The following PDHX variants were observed in gnomAD, a reference collection of about 807,000 sequenced individuals.
The protein encoded by PDHX is pyruvate dehydrogenase protein X component, mitochondrial.
Under a neutral mutation model 55.3 loss-of-function variants are expected in PDHX, and 33 were observed. The ratio of observed to expected loss-of-function variants is 0.60; its 90% confidence interval spans 0.45 to 0.80. The LOEUF (loss-of-function observed/expected upper bound fraction) is 0.80. Among genes scored for constraint, PDHX ranks in the 30% least tolerant of loss-of-function variants. The pLI is 0.00. For synonymous variants in PDHX, 226 were observed against 219.4 expected (o/e 1.03, Z -0.27); for missense variants, 622 against 619.9 (o/e 1.00, Z -0.04).
chr11:34,938,485 T>G (rs1399611239), intron 2 of PDHX, among the ~76,000 whole-genome samples: 2 of 152,268 alleles, frequency 1.3e-5, no homozygotes, highest in Non-Finnish European at 2.9e-5. Flanking sequence ...AATAATGTAA[T>G]CAGTTGGAAT....
chr11:34,943,712 C>T (rs1268715038), intron 2 of PDHX, among the ~76,000 whole-genome samples: 1 of 152,188 alleles, frequency 6.6e-6, no homozygotes, highest in Non-Finnish European at 1.5e-5. Flanking sequence ...TTGCCAGTTT[C>T]TCTGAAGTTT....
intron 4 of PDHX, among the ~76,000 whole-genome samples, chr11:34,959,240 A>T (rs1413679233): frequency 1.3e-5 from 2 of 152,104 alleles, no homozygotes; most frequent in Non-Finnish European, 2.9e-5. Context: ...AAACAACCCA[A>T]TTAAAAAACA....
At chr11:34,935,631 T>G (rs909964608) in intron 2 of PDHX, among the ~76,000 whole-genome samples, 2 of 152,198 alleles carry the variant, frequency 1.3e-5, no homozygotes, top group Non-Finnish European at 2.9e-5. Flanking sequence ...GGTTAAACTA[T>G]TGTGGAGGAA....
At chr11:34,962,246 G>A (rs1855034565) in intron 5 of PDHX, among the ~76,000 whole-genome samples, 1 of 152,186 alleles carries the variant, frequency 6.6e-6, no homozygotes, top group African/African-American at 2.4e-5. Context: ...GGCTCCTAAA[G>A]TAATCCATGT....
intron 2 of PDHX, among the ~76,000 whole-genome samples, chr11:34,939,793 C>T (rs943845743): frequency 3.3e-5 from 5 of 151,948 alleles, no homozygotes; most frequent in Non-Finnish European, 5.9e-5. Flanking sequence ...TTTATAATGA[C>T]TATTAGAGTA....
chr11:34,935,969 G>A (rs1854299774), intron 2 of PDHX, among the ~76,000 whole-genome samples: 1 of 152,154 alleles, frequency 6.6e-6, no homozygotes, highest in Non-Finnish European at 1.5e-5. Flanking sequence ...AAGAGTTTAG[G>A]CAGTGGGCAG....
chr11:34,993,286 C>T (rs1322155438), intron 10 of PDHX, among the ~76,000 whole-genome samples: 2 of 151,676 alleles, frequency 1.3e-5, no homozygotes, highest in East Asian at 1.9e-4. Flanking sequence ...TTTAAATGAA[C>T]GGAAGTTCTG....
chr11:34,978,936 A>T (rs1855443499), intron 8 of PDHX, among the ~76,000 whole-genome samples: 2 of 152,192 alleles, frequency 1.3e-5, no homozygotes, highest in Admixed American at 1.3e-4. Flanking sequence ...CGAAAAGGAG[A>T]GGCTGCCCTG....
intron 1 of PDHX, among the ~76,000 whole-genome samples, chr11:34,929,751 C>T (rs1854109544): frequency 6.6e-6 from 1 of 152,174 alleles, no homozygotes; most frequent in Admixed American, 6.5e-5. Context: ...GTGGTTTTCT[C>T]ATTGATGAAA....
intron 1 of PDHX, among the ~76,000 whole-genome samples, chr11:34,926,485 A>T (rs1466252588): frequency 6.6e-6 from 1 of 152,146 alleles, no homozygotes; most frequent in African/African-American, 2.4e-5. Flanking sequence ...TGATTTTTGC[A>T]TGCTTGGATT....
chr11:34,965,123 C>A (rs561532370), intron 5 of PDHX, among the ~76,000 whole-genome samples: 3 of 152,244 alleles, frequency 2.0e-5, no homozygotes, highest in Middle Eastern at 3.4e-3. Context: ...CATAGCATGG[C>A]CAGGTTCTGA....
intron 8 of PDHX, among the ~76,000 whole-genome samples, chr11:34,983,767 A>G (rs1177311953): frequency 6.6e-6 from 1 of 152,220 alleles, no homozygotes; most frequent in Non-Finnish European, 1.5e-5. Context: ...GCTCGATGAA[A>G]TAAAAGAGAA....
At chr11:34,969,638 C>T (rs1360338282) in intron 6 of PDHX, among the ~76,000 whole-genome samples, 1 of 152,086 alleles carries the variant, frequency 6.6e-6, no homozygotes, top group Non-Finnish European at 1.5e-5. Context: ...AGCCACCGTG[C>T]CCAGCCCATT....
At chr11:34,923,365 AG>A (rs1463658336) in intron 1 of PDHX, among the ~76,000 whole-genome samples, 4 of 152,328 alleles carry the variant, frequency 2.6e-5, no homozygotes, top group African/African-American at 9.6e-5. Flanking sequence ...GGAATATATT[AG>A]CCCTGGTTTT....
chr11:34,927,825 A>T (rs1854059109), intron 1 of PDHX, among the ~76,000 whole-genome samples: 1 of 152,122 alleles, frequency 6.6e-6, no homozygotes, highest in Non-Finnish European at 1.5e-5. Context: ...AATAATGGAG[A>T]TGTCCAAAAT....
chr11:34,986,512 T>A (rs1590771031), intron 9 of PDHX, among the ~76,000 whole-genome samples: 1 of 152,182 alleles, frequency 6.6e-6, no homozygotes, highest in Non-Finnish European at 1.5e-5. Flanking sequence ...AGTACTATTA[T>A]AATGTTATGG....
At chr11:34,924,206 A>G (rs1366775793) in intron 1 of PDHX, among the ~76,000 whole-genome samples, 1 of 152,100 alleles carries the variant, frequency 6.6e-6, no homozygotes, top group Admixed American at 6.5e-5. Context: ...CATTTTTGAG[A>G]CTTATTCTTT....
At chr11:34,916,290 A>C (rs1853690858), upstream of PDHX, 3 of 1,612,120 alleles carry the variant, frequency 1.9e-6, no homozygotes, top group Non-Finnish European at 2.5e-6. Context: ...GACATGGCCC[A>C]GACCAGGGAC....
At chr11:34,937,282 C>T (rs891705446) in intron 2 of PDHX, among the ~76,000 whole-genome samples, 2 of 149,622 alleles carry the variant, frequency 1.3e-5, no homozygotes, top group Admixed American at 1.3e-4. Flanking sequence ...AAAGCATCTG[C>T]TCTCTATCGG....
Sources: allele counts gnomAD v4.1 joint callset (sites outside exome capture counted in the v4.1 genomes callset), GRCh38; gene constraint gnomAD v4.1.1; transcripts MANE v1.5; gene names NCBI Gene and HGNC (gene_info 2026-07-23, HGNC 2026-07-21).